Variants in CLSTN2 observed in about 807,000 individuals in gnomAD.
CLSTN2 encodes the protein calsyntenin 2, also known as calsyntenin-2.
Under a neutral mutation model 101.2 loss-of-function variants are expected in CLSTN2, and 48 were observed. That is an observed-to-expected ratio of 0.47 (90% confidence interval 0.38 to 0.60). The LOEUF (loss-of-function observed/expected upper bound fraction) is 0.60. Among genes scored for constraint, CLSTN2 ranks in the 20% least tolerant of loss-of-function variants. The probability of loss-of-function intolerance (pLI) is 0.00; values close to 1 mark genes in which losing one functional copy is unlikely to be tolerated. For missense variants in CLSTN2, 1,160 were observed against 1,238.2 expected (o/e 0.94, Z 0.95); for synonymous variants, 481 against 463.6 (o/e 1.04, Z -0.48).
intron 2 of CLSTN2, among the ~76,000 whole-genome samples, chr3:140,194,069 T>TAC (rs1241804067): frequency 6.6e-6 from 1 of 152,222 alleles, no homozygotes; most frequent in Non-Finnish European, 1.5e-5. Context: ...GAATTGACCA[T>TAC]ACATGTGTTT....
rs536109295 is a variant in CLSTN2, at chr3:140,176,847, A to G, written c.232+774A>G. 2.2e-3 allele frequency among the ~76,000 whole-genome samples: 337 copies of G among 152,362 alleles called. 1 individual carries two copies. The highest frequency in any genetic ancestry group is 5.5e-3 in the Admixed American group (84 of 15,298). ...TGTCCGGAGAAAGACAGGAAATTTA[A>G]TGAAGGTTTTCAAGATTTCTAGAAG... On this transcript the variant is annotated intron_variant, in intron 2 of 16. Transcript: ENST00000458420.
At chr3:140,348,540 T>C (rs992216194) in intron 2 of CLSTN2, among the ~76,000 whole-genome samples, 1 of 152,182 alleles carries the variant, frequency 6.6e-6, no homozygotes, top group African/African-American at 2.4e-5. Flanking sequence ...CTGCTATTAG[T>C]CACATACATC....
At chr3:140,145,207 T>C (rs1005353945) in intron 1 of CLSTN2, among the ~76,000 whole-genome samples, 21 of 152,214 alleles carry the variant, frequency 1.4e-4, no homozygotes, top group Non-Finnish European at 5.9e-5. Flanking sequence ...ATAGGAAAGA[T>C]GGGTGAGTGG....
intron 2 of CLSTN2, among the ~76,000 whole-genome samples, chr3:140,319,996 T>A (rs1407714120): frequency 6.6e-6 from 1 of 152,212 alleles, no homozygotes; most frequent in African/African-American, 2.4e-5. Flanking sequence ...TCCAGTGTCC[T>A]AAACAAACGT....
intron 2 of CLSTN2, among the ~76,000 whole-genome samples, chr3:140,252,051 T>C (rs886104989): frequency 2.0e-5 from 3 of 152,014 alleles, no homozygotes; most frequent in Non-Finnish European, 4.4e-5. Context: ...TGGAGAGGCA[T>C]TGGAGAATTT....
intron 1 of CLSTN2, among the ~76,000 whole-genome samples, chr3:140,012,642 A>T (rs1057284056): frequency 6.6e-6 from 1 of 152,218 alleles, no homozygotes; most frequent in South Asian, 2.1e-4. Context: ...ACTGCATCTC[A>T]TCGACTCTCC....
At chr3:140,057,055 C>T (rs1052461717) in intron 1 of CLSTN2, among the ~76,000 whole-genome samples, 1 of 152,214 alleles carries the variant, frequency 6.6e-6, no homozygotes, top group African/African-American at 2.4e-5. Context: ...TAGGGATTTT[C>T]CCTGGACATA....
intron 4 of CLSTN2, among the ~76,000 whole-genome samples, chr3:140,417,783 A>G (rs536736257): frequency 2.0e-5 from 3 of 152,328 alleles, no homozygotes; most frequent in South Asian, 4.2e-4. Context: ...AAAATTTTAA[A>G]TGTGTATCTT....
At chr3:140,406,970 T>C (rs2088310956) in intron 4 of CLSTN2, among the ~76,000 whole-genome samples, 1 of 152,268 alleles carries the variant, frequency 6.6e-6, no homozygotes, top group African/African-American at 2.4e-5. Context: ...CCTGGCTGTC[T>C]CATTAAAAGT....
intron 10 of CLSTN2, among the ~76,000 whole-genome samples, chr3:140,554,367 T>A (rs990546418): frequency 6.6e-6 from 1 of 152,156 alleles, no homozygotes; most frequent in African/African-American, 2.4e-5. Flanking sequence ...TCAAGTCAGA[T>A]CAGGGAAAAG....
chr3:140,095,768 T>G (rs1478127279), intron 1 of CLSTN2, among the ~76,000 whole-genome samples: 2 of 152,218 alleles, frequency 1.3e-5, no homozygotes, highest in African/African-American at 4.8e-5. Flanking sequence ...ATTGGGACCA[T>G]GTCAGTGACC....
At chr3:140,020,380 A>C (rs1167720065) in intron 1 of CLSTN2, among the ~76,000 whole-genome samples, 4 of 152,162 alleles carry the variant, frequency 2.6e-5, no homozygotes, top group Non-Finnish European at 4.4e-5. Context: ...GTGTGTACCC[A>C]GGTGGAACCC....
intron 1 of CLSTN2, among the ~76,000 whole-genome samples, chr3:140,064,173 C>T (rs1402850288): frequency 6.6e-6 from 1 of 152,238 alleles, no homozygotes; most frequent in African/African-American, 2.4e-5. Context: ...CTGCTAAAAA[C>T]ACTTCTAAAA....
chr3:140,294,578 T>G (rs1340783326), intron 2 of CLSTN2, among the ~76,000 whole-genome samples: 1 of 151,348 alleles, frequency 6.6e-6, no homozygotes, highest in Non-Finnish European at 1.5e-5. Flanking sequence ...TTTTTTTTTT[T>G]GCCTGTTGGG....
intron 2 of CLSTN2, among the ~76,000 whole-genome samples, chr3:140,265,171 G>A (rs1163015400): frequency 6.6e-6 from 1 of 152,164 alleles, no homozygotes; most frequent in Non-Finnish European, 1.5e-5. Flanking sequence ...CAGGAATTGG[G>A]CCCAAACAGT....
At position 139,951,909 on chromosome 3, in the gene CLSTN2, G is replaced by A. The variant is rs905042096; in HGVS notation, c.109+16426G>A. Among the ~76,000 whole-genome samples, 13 of 152,226 alleles carry A rather than the reference G, an allele frequency of 8.5e-5. No homozygotes were observed. In the South Asian group the frequency reaches 1.9e-3, roughly 22 times the overall value. ...ATAAAAATTATTCCTTAATTTTCTC[G>A]TGGATAATTTATAGAGGTGAGGGTT... On this transcript the variant is annotated intron_variant, in intron 1 of 16. Coordinates refer to ENST00000458420, the MANE Select transcript of CLSTN2 (RefSeq NM_022131.3).
intron 8 of CLSTN2, among the ~76,000 whole-genome samples, chr3:140,512,297 T>C: frequency 6.6e-6 from 1 of 152,148 alleles, no homozygotes; most frequent in East Asian, 1.9e-4. Flanking sequence ...CTTTAATTCA[T>C]GTTGAGTTAA....
chr3:140,218,455 A>C (rs892102638), intron 2 of CLSTN2, among the ~76,000 whole-genome samples: 21 of 152,176 alleles, frequency 1.4e-4, no homozygotes, highest in African/African-American at 5.1e-4. Context: ...CAAAGCAGGA[A>C]GTGAAAGAAA....
At chr3:140,340,909 G>A (rs774400830) in intron 2 of CLSTN2, among the ~76,000 whole-genome samples, 2 of 152,148 alleles carry the variant, frequency 1.3e-5, no homozygotes, top group Non-Finnish European at 2.9e-5. Context: ...CCCCTCAACT[G>A]GGACTTGCCT....
Sources: allele counts gnomAD v4.1 joint callset (sites outside exome capture counted in the v4.1 genomes callset), GRCh38; gene constraint gnomAD v4.1.1; transcripts MANE v1.5; gene names NCBI Gene and HGNC (gene_info 2026-07-23, HGNC 2026-07-21).